Variants in AGMO observed in about 807,000 individuals in gnomAD.
AGMO encodes alkylglycerol monooxygenase.
Under a neutral mutation model 60.2 loss-of-function variants are expected in AGMO, and 75 were observed. That is an observed-to-expected ratio of 1.25 (90% CI 1.03 to 1.51). AGMO has a LOEUF of 1.51. Ranked by LOEUF, AGMO falls within the 40% of genes most tolerant of loss-of-function variation. AGMO has a pLI of 0.00. For synonymous variants in AGMO, 261 were observed against 177.1 expected, an observed-to-expected ratio of 1.47 and a Z score of -3.76; for missense variants, 763 against 525.5, an observed-to-expected ratio of 1.45 and a Z score of -4.42.
intron 4 of AGMO, among the ~76,000 whole-genome samples, chr7:15,423,670 A>AACACGGTATGGGAGACCCTGGCACCCAG (rs1277379332): frequency 1.6e-4 from 14 of 88,726 alleles, no homozygotes; most frequent in Non-Finnish European, 2.3e-4. Flanking sequence ...GTCTTTTTAT[A>AACACGGTATGGGAGACCCTGGCACCCAG]TACAGGGAAA....
At chr7:15,300,378 T>C (rs533541665) in intron 12 of AGMO, among the ~76,000 whole-genome samples, 1 of 152,328 alleles carries the variant, frequency 6.6e-6, no homozygotes, top group South Asian at 2.1e-4. Context: ...ATGTTGAACA[T>C]CAAAGCATAT....
chr7:15,308,215 G>A (rs142186499), intron 12 of AGMO, among the ~76,000 whole-genome samples: 1 of 152,096 alleles, frequency 6.6e-6, no homozygotes, highest in East Asian at 1.9e-4. Flanking sequence ...TTAACAATCA[G>A]ACTTTTACCC....
chr7:15,317,737 T>C (rs1193638359), intron 12 of AGMO, among the ~76,000 whole-genome samples: 4 of 151,832 alleles, frequency 2.6e-5, no homozygotes, highest in African/African-American at 9.7e-5. Context: ...TTATAAGAAG[T>C]AGTAGAAAAC....
intron 12 of AGMO, among the ~76,000 whole-genome samples, chr7:15,359,177 T>C (rs1023424201): frequency 1.3e-5 from 2 of 151,196 alleles, no homozygotes; most frequent in Non-Finnish European, 2.9e-5. Context: ...TAGTCCCAGC[T>C]ACTCGGGAGG....
At chr7:15,247,414 TCACACA>T (rs71525649) in intron 12 of AGMO, among the ~76,000 whole-genome samples, 5,244 of 123,548 alleles carry the variant, frequency 0.042, 279 homozygotes, top group African/African-American at 0.12. Flanking sequence ...CTTGGAGATT[TCACACA>T]CACACACACA....
chr7:15,376,151 T>C (rs966526647), intron 10 of AGMO, among the ~76,000 whole-genome samples: 1 of 152,150 alleles, frequency 6.6e-6, no homozygotes, highest in African/African-American at 2.4e-5. Context: ...TTCATGCCTT[T>C]GTATTATAAT....
At chr7:15,334,515 G>A (rs1356019850) in intron 12 of AGMO, among the ~76,000 whole-genome samples, 4 of 152,060 alleles carry the variant, frequency 2.6e-5, no homozygotes, top group Admixed American at 6.6e-5. Flanking sequence ...TAGGGCAGTA[G>A]ATTATTTCTT....
intron 5 of AGMO, among the ~76,000 whole-genome samples, chr7:15,406,181 G>C (rs12531507): frequency 4.0e-5 from 6 of 150,418 alleles, no homozygotes; most frequent in Admixed American, 2.7e-4. Context: ...TTAGCGACAA[G>C]GGTGCCAGTT....
chr7:15,220,369 G>A (rs1043782875), intron 12 of AGMO, among the ~76,000 whole-genome samples: 1 of 151,066 alleles, frequency 6.6e-6, no homozygotes, highest in South Asian at 2.1e-4. Context: ...ACAGGGGCCC[G>A]CCTATCATTC....
chr7:15,189,902 T>C, the AGMO span, among the ~76,000 whole-genome samples: 1 of 151,418 alleles, frequency 6.6e-6, no homozygotes, highest in Non-Finnish European at 1.5e-5. Flanking sequence ...CCATTTATAT[T>C]TCATAATAAA....
At chr7:15,357,159 TG>T (rs2128557299) in intron 12 of AGMO, among the ~76,000 whole-genome samples, 1 of 150,146 alleles carries the variant, frequency 6.7e-6, no homozygotes, top group African/African-American at 2.5e-5. Flanking sequence ...CTGAAATAGA[TG>T]AGTCAAAATT....
intron 10 of AGMO, among the ~76,000 whole-genome samples, chr7:15,370,233 T>A (rs992585016): frequency 2.6e-5 from 4 of 152,202 alleles, no homozygotes; most frequent in Non-Finnish European, 5.9e-5. Context: ...AGGACATGAA[T>A]TCTTTTTCAT....
intron 3 of AGMO, among the ~76,000 whole-genome samples, chr7:15,434,357 G>A (rs1301468897): frequency 6.6e-6 from 1 of 152,098 alleles, no homozygotes; most frequent in African/African-American, 2.4e-5. Context: ...TTGAGTGTGA[G>A]CCAGATTTAG....
chr7:15,394,105 T>C lies in AGMO; in HGVS notation c.676+8A>G, dbSNP rs776820668. 3.1e-6 allele frequency: 5 copies of C among 1,602,430 alleles called. No individual in the cohort carries two copies. In the Admixed American group the frequency reaches 8.5e-5, roughly 27 times the overall value. ...GAAGAAAAGAGAGAAGAAACAAAAC[T>C]TCCTTACCATGATGAACCCTATGAT... is the stretch of plus-strand genomic sequence containing the variant. On this transcript the variant is annotated splice_region_variant and intron_variant, in intron 6 of 12. Transcript: ENST00000342526.
At chr7:15,414,475 T>TATAC (rs1780701705) in intron 5 of AGMO, among the ~76,000 whole-genome samples, 1 of 146,398 alleles carries the variant, frequency 6.8e-6, no homozygotes, top group Non-Finnish European at 1.5e-5. Context: ...TAGACACACA[T>TATAC]ACACACACAC....
chr7:15,340,554 T>C (rs1029254806), intron 12 of AGMO, among the ~76,000 whole-genome samples: 2 of 152,170 alleles, frequency 1.3e-5, no homozygotes, highest in African/African-American at 4.8e-5. Flanking sequence ...TGGTGCCCTG[T>C]GTCCCAGCCA....
At chr7:15,276,627 G>T (rs1418686389) in intron 12 of AGMO, among the ~76,000 whole-genome samples, 4 of 151,986 alleles carry the variant, frequency 2.6e-5, no homozygotes, top group African/African-American at 9.7e-5. Flanking sequence ...ACTCAAATGT[G>T]TTTTTCACAT....
chr7:15,345,391 T>C (rs571494819), intron 12 of AGMO, among the ~76,000 whole-genome samples: 6 of 152,294 alleles, frequency 3.9e-5, no homozygotes, highest in Admixed American at 3.9e-4. Flanking sequence ...TACCCTTCAG[T>C]TGTGAAAGCA....
At chr7:15,165,960 T>C in the AGMO span, among the ~76,000 whole-genome samples, 40 of 152,170 alleles carry the variant, frequency 2.6e-4, no homozygotes, top group Admixed American at 2.0e-4. Flanking sequence ...TATATAAATA[T>C]GTAAATATTC....
Sources: gnomAD v4.1 joint callset for allele counts (sites outside exome capture counted in the v4.1 genomes callset) on GRCh38, gnomAD v4.1.1 for gene constraint, MANE v1.5 for transcripts, NCBI Gene and HGNC (gene_info 2026-07-23, HGNC 2026-07-21) for gene names.